Variants in RUFY3 observed in about 807,000 individuals in gnomAD.
The protein encoded by RUFY3 is RUN and FYVE domain containing 3, also known as protein RUFY3.
A neutral mutation model predicts 84.0 loss-of-function variants in RUFY3; 34 were observed. That is an observed-to-expected ratio of 0.40 (90% CI 0.31 to 0.54). RUFY3 has a LOEUF of 0.54. Among genes scored for constraint, RUFY3 ranks in the 20% least tolerant of loss-of-function variants. RUFY3 has a pLI of 0.39. For synonymous variants in RUFY3, 242 were observed against 252.9 expected (o/e 0.96, Z 0.41); for missense variants, 507 against 736.8 (o/e 0.69, Z 3.61).
intron 6 of RUFY3, among the ~76,000 whole-genome samples, chr4:70,774,665 ATATAT>A (rs1727612499): frequency 1.5e-5 from 2 of 136,152 alleles, no homozygotes; most frequent in African/African-American, 2.8e-5. Context: ...ATATATATAT[ATATAT>A]AAAATAAACA....
intron 1 of RUFY3, among the ~76,000 whole-genome samples, chr4:70,755,902 G>A (rs1707848953): frequency 6.6e-6 from 1 of 150,750 alleles, no homozygotes; most frequent in Non-Finnish European, 1.5e-5. Context: ...AGTGAGCTGA[G>A]ATCACGCCTC....
At position 70,774,666 on chromosome 4, in the gene RUFY3, T is replaced by TAC. The variant is rs1727612963; in HGVS notation, c.759-501_759-500insCA. Among the ~76,000 whole-genome samples, 15 of 108,546 alleles carry TAC rather than the reference T, an allele frequency of 1.4e-4. No individual in the cohort carries two copies. The South Asian group carries it at 4.4e-3, about 32-fold the overall frequency. The allele number at this position is 108,546 out of a possible 152,430, so 71.2% of individuals were successfully genotyped here. On this transcript the variant is annotated intron_variant, in intron 6 of 17. Transcript: ENST00000381006. ...AAAAATATATATATATATATATATA[T>TAC]ATATAAAATAAACATTCAATCTTCG... is the stretch of plus-strand genomic sequence containing the variant.
intron 9 of RUFY3, among the ~76,000 whole-genome samples, chr4:70,784,298 C>T (rs1210789973): frequency 6.6e-6 from 1 of 152,134 alleles, no homozygotes; most frequent in Non-Finnish European, 1.5e-5. Flanking sequence ...GCCTGGCCAA[C>T]GTGGTGAAAC....
intron 1 of RUFY3, among the ~76,000 whole-genome samples, chr4:70,716,058 G>A (rs923115881): frequency 1.3e-5 from 2 of 152,024 alleles, no homozygotes; most frequent in Non-Finnish European, 2.9e-5. Flanking sequence ...AGGTTGCAAT[G>A]AGCCGAGATC....
chr4:70,704,990 G>A, exon 1 of RUFY3: 2 of 1,226,050 alleles, frequency 1.6e-6, no homozygotes. Flanking sequence ...GCAGCGAGGA[G>A]CCGGCGAGGG....
At chr4:70,746,104 G>T (rs1722168446) in intron 1 of RUFY3, among the ~76,000 whole-genome samples, 1 of 152,102 alleles carries the variant, frequency 6.6e-6, no homozygotes, top group Non-Finnish European at 1.5e-5. Context: ...AGCACTTTGG[G>T]ATGCCAAGGT....
intron 1 of RUFY3, among the ~76,000 whole-genome samples, chr4:70,729,697 A>G (rs1046554988): frequency 3.3e-5 from 5 of 152,192 alleles, no homozygotes; most frequent in African/African-American, 1.2e-4. Flanking sequence ...AGCTGAAGCC[A>G]CAGCAGTTTA....
chr4:70,786,690 T>A (rs539613806), intron 10 of RUFY3, among the ~76,000 whole-genome samples: 48 of 152,270 alleles, frequency 3.2e-4, no homozygotes, highest in Middle Eastern at 3.4e-3. Flanking sequence ...ATACTTTTTT[T>A]AAAAAGAATT....
intron 6 of RUFY3, among the ~76,000 whole-genome samples, chr4:70,774,708 C>G (rs1727630827): frequency 7.7e-6 from 1 of 129,216 alleles, no homozygotes; most frequent in Non-Finnish European, 1.6e-5. Context: ...CCTTTTTAAC[C>G]ATTCACTTTA....
intron 12 of RUFY3, 102 bp downstream of exon 12, chr4:70,789,694 CA>C (rs1299528650): frequency 1.4e-6 from 2 of 1,419,960 alleles, no homozygotes; most frequent in African/African-American, 2.9e-5. Context: ...GAAATTCTTC[CA>C]AATTAGCATC....
chr4:70,726,177 C>T (rs7686646), intron 1 of RUFY3, among the ~76,000 whole-genome samples: 15,023 of 152,070 alleles, frequency 0.099, 1,596 homozygotes, highest in African/African-American at 0.27. Context: ...CCTGGAAAAG[C>T]AGAATGTACC....
At chr4:70,769,634 A>T (rs1400267808) in intron 5 of RUFY3, among the ~76,000 whole-genome samples, 2 of 152,188 alleles carry the variant, frequency 1.3e-5, no homozygotes, top group Non-Finnish European at 2.9e-5. Context: ...TTTACAAAAG[A>T]TTTCTCTGTA....
chr4:70,708,468 G>A (rs1387004946), intron 1 of RUFY3, among the ~76,000 whole-genome samples: 8 of 152,074 alleles, frequency 5.3e-5, no homozygotes, highest in Admixed American at 4.6e-4. Context: ...GCCCCAAACA[G>A]TTTTTAAAAG....
intron 1 of RUFY3, among the ~76,000 whole-genome samples, chr4:70,731,931 G>A (rs1326203507): frequency 6.6e-6 from 1 of 152,170 alleles, no homozygotes; most frequent in Non-Finnish European, 1.5e-5. Context: ...GTAGCTACAG[G>A]TAATCATTAT....
At chr4:70,755,433 T>G (rs1723840095) in intron 1 of RUFY3, among the ~76,000 whole-genome samples, 1 of 152,256 alleles carries the variant, frequency 6.6e-6, no homozygotes, top group African/African-American at 2.4e-5. Context: ...TTTTGCTGTA[T>G]GAACATTAGT....
chr4:70,705,628 G>A (rs1234851331), intron 1 of RUFY3, among the ~76,000 whole-genome samples: 2 of 152,256 alleles, frequency 1.3e-5, no homozygotes, highest in East Asian at 3.9e-4. Context: ...CGGCCTGCCT[G>A]CCCCCCTCCA....
In RUFY3 at chr4:70,784,796, G is replaced by A. The variant is rs1729513811; in HGVS notation, c.988G>A (p.Gly330Ser). ...SSYILESNRKGPKQDRTAEGQ... is the reference protein window; with the variant it reads ...SSYILESNRKSPKQDRTAEGQ... ...GTACAATGTTATTTATCTTTTCAAG[G>A]GTCCCAAGCAAGACAGAACTGCAGA... The change falls in exon 10 of 18, where the codon GGT (glycine) becomes AGT (serine). Residue 330 changes from glycine (G) to serine (S), a missense_variant and splice_region_variant. Around this residue, in one of 4 missense-constraint regions of RUFY3, gnomAD observed 334 missense variants for 364.1 expected, o/e 0.92. Coordinates refer to ENST00000381006, the MANE Select transcript of RUFY3 (RefSeq NM_001037442.4). The A allele has an allele frequency of 3.1e-6, 5 of 1,591,746 alleles. No individual in the cohort carries two copies. The South Asian group carries it at 5.8e-5, about 18-fold the overall frequency.
Position 70,762,517 on chromosome 4 carries a change from A to G in RUFY3, c.179-2A>G. ...CTTCATCTTCTTCCCCTTTGGCTGCAGATCCTAATTATCTCATGGCTAATG... is the reference window on the plus strand; with the variant it reads ...CTTCATCTTCTTCCCCTTTGGCTGCGGATCCTAATTATCTCATGGCTAATG... On this transcript the variant is annotated splice_acceptor_variant, in intron 1 of 17. Transcript: ENST00000381006. LOFTEE classifies it high-confidence loss of function. 6.3e-7 allele frequency: 1 copy of G among 1,596,872 alleles called. No homozygotes were observed. Among genetic ancestry groups the G allele is most frequent in the Non-Finnish European group, 8.6e-7 (1 of 1,168,328 alleles).
Position 70,800,185 on chromosome 4 carries a change from G to T in RUFY3, c.1602G>T (p.Lys534Asn). The T allele has an allele frequency of 6.2e-7, 1 of 1,605,988 alleles. No homozygotes were observed. Among genetic ancestry groups the T allele is most frequent in the Non-Finnish European group, 8.5e-7 (1 of 1,177,900 alleles). The change falls in exon 15 of 18, where the codon AAG becomes AAT. Residue 534 changes from lysine (K) to asparagine (N), a missense_variant. Physicochemically the swap from Lys to Asn is moderately conservative, Grantham distance 94 (BLOSUM62 0). Around this residue, in one of 4 missense-constraint regions of RUFY3, gnomAD observed 334 missense variants for 364.1 expected, o/e 0.92. Coordinates refer to ENST00000381006, the MANE Select transcript of RUFY3 (RefSeq NM_001037442.4). The stretch of plus-strand genomic sequence containing the variant: ...AAGAGGAAAATGTTAAACTAAAAAA[G>T]CCCCTGGAAGAAAGCCACAGGTGTT... The part of the protein sequence containing the change: ...KMQEENVKLK[K>N]PLEESHRLQP...
Sources: allele counts gnomAD v4.1 joint callset (sites outside exome capture counted in the v4.1 genomes callset), GRCh38; gene constraint gnomAD v4.1.1; regional missense constraint gnomAD v4.1.1; transcripts MANE v1.5; gene names NCBI Gene and HGNC (gene_info 2026-07-23, HGNC 2026-07-21).